PPM1K: variants seen among roughly 807,000 people sequenced by gnomAD.
PPM1K encodes protein phosphatase, Mg2+/Mn2+ dependent 1K.
PPM1K carries 19 observed loss-of-function variants against 32.6 expected under a neutral mutation model. That is an observed-to-expected ratio of 0.58 (90% CI 0.41 to 0.86). The LOEUF is 0.86. PPM1K is among the 40% of genes least tolerant of loss of function. The pLI is 0.00. For missense variants in PPM1K, 362 were observed against 461.2 expected (o/e 0.78, Z 1.97); for synonymous variants, 159 against 165.3 (o/e 0.96, Z 0.29).
chr4:88,281,978 A>C (rs1025503957), intron 1 of PPM1K, among the ~76,000 whole-genome samples: 1 of 152,136 alleles, frequency 6.6e-6, no homozygotes, highest in Non-Finnish European at 1.5e-5. Flanking sequence ...AGGAAAAAAA[A>C]AAAGCAATCA....
Position 88,268,913 on chromosome 4 carries a change from GTAT to G in PPM1K, c.542-10_542-8del. 2 of 1,588,130 alleles carry G rather than the reference GTAT, an allele frequency of 1.3e-6. No homozygotes were observed. Among genetic ancestry groups the G allele is most frequent in the Non-Finnish European group, 1.7e-6 (2 of 1,169,674 alleles). ...CCAGAGGTCAGAAGAGTTGCTACAA[GTAT>G]TATGAAAAAAAGAGTACAAGTTAGT... On this transcript the variant is annotated splice_polypyrimidine_tract_variant and splice_region_variant and intron_variant, in intron 3 of 6. Transcript: ENST00000608933.
At chr4:88,276,856 A>G in intron 3 of PPM1K, 2 of 1,036,236 alleles carry the variant, frequency 1.9e-6, no homozygotes, top group Non-Finnish European at 2.4e-6. Flanking sequence ...CAGATTAAAC[A>G]TTTTTAAAAT....
At chr4:88,284,180 C>A (rs975017007) in intron 1 of PPM1K, 1 of 152,186 alleles carries the variant, frequency 6.6e-6, no homozygotes, top group Non-Finnish European at 1.5e-5. Context: ...CCCGCCTCAC[C>A]CCGACGAGCT....
chr4:88,277,158 G>A lies in PPM1K; in HGVS notation c.526C>T (p.Arg176Cys), dbSNP rs150935940. Residue 176 changes from arginine to cysteine, a missense_variant, in exon 3 of 7, where the codon CGC (arginine) becomes TGC (cysteine). Physicochemically the swap from Arg to Cys is radical, Grantham distance 180 (BLOSUM62 -3). Coordinates refer to ENST00000608933, the MANE Select transcript of PPM1K (RefSeq NM_152542.5). ...TTTTACATACCATCAGCAGACAGGC[G>A]GGCATGACTCGAAAAGGCTTTATCT... ...EIDKAFSSHA[R>C]LSADATLLTS... 50 of 1,613,096 alleles carry A rather than the reference G, an allele frequency of 3.1e-5. No individual in the cohort carries two copies. Among genetic ancestry groups the A allele is most frequent in the Admixed American group, 2.3e-4 (14 of 60,006 alleles).
chr4:88,264,569 C>T (rs548382203), intron 6 of PPM1K, among the ~76,000 whole-genome samples: 6 of 152,310 alleles, frequency 3.9e-5, no homozygotes, highest in Admixed American at 1.3e-4. Context: ...AGTTTTATGA[C>T]CTTCAGTGAT....
intron 3 of PPM1K, chr4:88,276,073 G>A: frequency 1.0e-6 from 1 of 985,368 alleles, no homozygotes; most frequent in Non-Finnish European, 1.2e-6. Context: ...GGTAAATAGA[G>A]CCATCGCAGA....
In PPM1K at chr4:88,259,576, CCTT is replaced by C. The variant is rs1731045745; in HGVS notation, c.*3016_*3018del. ...TTATAACTGAAAAACTAGAGCAGTC[CCTT>C]TTTTTTTACTATGATTTGCATATTT... On this transcript the variant is annotated 3_prime_UTR_variant, in exon 7 of 7. Coordinates refer to ENST00000608933, the MANE Select transcript of PPM1K (RefSeq NM_152542.5). 6.6e-6 allele frequency: 1 copy of C among 151,414 alleles called. No homozygotes were observed. Among genetic ancestry groups the C allele is most frequent in the Non-Finnish European group, 1.5e-5 (1 of 67,854 alleles). The allele number at this position is 151,414 out of a possible 1,614,324, so 9.4% of individuals were successfully genotyped here. A position where few individuals can be genotyped will look rare whatever the true frequency, so the allele number is the denominator to read the frequency against.
At position 88,260,771 on chromosome 4, in the gene PPM1K, A is replaced by T. The variant is rs1369509904; in HGVS notation, c.*1824T>A. 1 of 152,084 alleles carries T rather than the reference A, an allele frequency of 6.6e-6. No individual in the cohort carries two copies. Among genetic ancestry groups the T allele is most frequent in the Non-Finnish European group, 1.5e-5 (1 of 68,014 alleles). The allele number at this position is 152,084 out of a possible 1,614,324, so 9.4% of individuals were successfully genotyped here. A position where few individuals can be genotyped will look rare whatever the true frequency, so the allele number is the denominator to read the frequency against. On this transcript the variant is annotated 3_prime_UTR_variant, in exon 7 of 7. Transcript: ENST00000608933. ...ACCCAAAGCTTAAAGAAAAAAAAAAAAGTCAACTCAAAACACAGTTGAAGG... is the reference window on the plus strand; with the variant it reads ...ACCCAAAGCTTAAAGAAAAAAAAAATAGTCAACTCAAAACACAGTTGAAGG...
intron 3 of PPM1K, among the ~76,000 whole-genome samples, chr4:88,273,092 T>C (rs552388946): frequency 6.6e-6 from 1 of 152,350 alleles, no homozygotes; most frequent in South Asian, 2.1e-4. Flanking sequence ...GTTAGTAAGA[T>C]AATTTGAAGT....
In PPM1K at chr4:88,260,102, A is replaced by C. The variant is rs1212099461; in HGVS notation, c.*2493T>G. The C allele has an allele frequency of 6.6e-6, 1 of 152,190 alleles. No homozygotes were observed. Among genetic ancestry groups the C allele is most frequent in the African/African-American group, 2.4e-5 (1 of 41,442 alleles). 9.4% of individuals were successfully genotyped at this position (152,190 alleles called of 1,614,324 possible). ...GTTTTTGCTCTGCTGTCCAGGCTGG[A>C]GTGCAATGGCGCGATCTCGACTCAC... is the stretch of plus-strand genomic sequence containing the variant. On this transcript the variant is annotated 3_prime_UTR_variant, in exon 7 of 7. Transcript: ENST00000608933.
intron 3 of PPM1K, chr4:88,276,301 C>G (rs1731765577): frequency 1.0e-6 from 1 of 985,084 alleles, no homozygotes; most frequent in African/African-American, 1.8e-5. Context: ...AAGGATGAAC[C>G]AAATACAGAT....
chr4:88,280,578 C>T (rs763726482), intron 1 of PPM1K, among the ~76,000 whole-genome samples: 3 of 152,158 alleles, frequency 2.0e-5, no homozygotes, highest in Non-Finnish European at 4.4e-5. Context: ...CAGTGGGCAA[C>T]TTTGCAAAAC....
intron 3 of PPM1K, chr4:88,276,413 G>A (rs1467886331): frequency 1.0e-6 from 1 of 985,284 alleles, no homozygotes; most frequent in Non-Finnish European, 1.2e-6. Flanking sequence ...AACAGCAAAA[G>A]ATTTGGGACT....
chr4:88,266,824 CTGGGTGCAGGCGATGTTGGCTGAT>C, intron 5 of PPM1K, among the ~76,000 whole-genome samples: 1 of 128,222 alleles, frequency 7.8e-6, no homozygotes, highest in African/African-American at 3.0e-5. Flanking sequence ...TGCTAGATGA[CTGGGTGCAGGCGATGTTGGCTGAT>C]TGGGTGCAGG....
intron 3 of PPM1K, chr4:88,275,543 A>G: frequency 1.0e-6 from 1 of 985,430 alleles, no homozygotes; most frequent in Non-Finnish European, 1.2e-6. Context: ...AAAGAGGCTG[A>G]TGGCATTGAG....
intron 1 of PPM1K, among the ~76,000 whole-genome samples, chr4:88,282,023 A>G (rs1382886697): frequency 2.6e-5 from 4 of 152,180 alleles, no homozygotes; most frequent in African/African-American, 9.7e-5. Context: ...AGAACAAACT[A>G]GCAAACACCT....
At position 88,267,179 on chromosome 4, in the gene PPM1K, G is replaced by T. The variant is rs575012996; in HGVS notation, c.852+1011C>A. Among the ~76,000 whole-genome samples the T allele has an allele frequency of 1.8e-4, 27 of 150,850 alleles. 1 individual carries two copies. Among genetic ancestry groups the T allele is most frequent in the Non-Finnish European group, 3.1e-4 (21 of 67,776 alleles). On this transcript the variant is annotated intron_variant, in intron 5 of 6. Transcript: ENST00000608933. ...GGGTGCAGATGATGCTGGCTGATTGGGTGCAAGTGATGCTGATTGATTGGG... is the reference window on the plus strand; with the variant it reads ...GGGTGCAGATGATGCTGGCTGATTGTGTGCAAGTGATGCTGATTGATTGGG...
intron 4 of PPM1K, 86 bp from the exon 5 acceptor site, chr4:88,268,420 A>G: frequency 6.8e-7 from 1 of 1,465,274 alleles, no homozygotes; most frequent in Non-Finnish European, 9.5e-7. Flanking sequence ...CAGGAGATCG[A>G]GACCATCCTG....
intron 5 of PPM1K, among the ~76,000 whole-genome samples, chr4:88,266,019 A>T (rs559636299): frequency 6.6e-6 from 1 of 152,330 alleles, no homozygotes; most frequent in East Asian, 1.9e-4. Context: ...TGGGGATAGT[A>T]GTACTTATTT....
Sources: allele counts gnomAD v4.1 joint callset (sites outside exome capture counted in the v4.1 genomes callset), GRCh38; gene constraint gnomAD v4.1.1; transcripts MANE v1.5; gene names NCBI Gene and HGNC (gene_info 2026-07-23, HGNC 2026-07-21).